Variants in ZNF257 observed in about 807,000 individuals in gnomAD.
The protein encoded by ZNF257 is zinc finger protein 257, also known as bone marrow zinc finger 4.
In ZNF257, 12 loss-of-function variants were observed where a neutral mutation model predicts 11.9. That is an observed-to-expected ratio of 1.01 (90% CI 0.65 to 1.63). The LOEUF is 1.63. Ranked by LOEUF, ZNF257 falls within the 40% of genes most tolerant of loss-of-function variation. The probability of loss-of-function intolerance (pLI) is 0.00; values close to 1 mark genes in which losing one functional copy is unlikely to be tolerated. For missense variants in ZNF257, 580 were observed against 665.5 expected (o/e 0.87, Z 1.41); for synonymous variants, 183 against 222.7 (o/e 0.82, Z 1.59).
At position 22,090,406 on chromosome 19, in the gene ZNF257, G is replaced by T. The variant is rs2022599879; in HGVS notation, c.*964G>T. The T allele has an allele frequency of 2.0e-5, 3 of 152,102 alleles. No individual in the cohort carries two copies. The highest frequency in any genetic ancestry group is 2.0e-4 in the Admixed American group (3 of 15,262). 9.4% of individuals were successfully genotyped at this position (152,102 alleles called of 1,614,324 possible). On this transcript the variant is annotated 3_prime_UTR_variant, in exon 4 of 4. Transcript: ENST00000594947. ...GAAATTTATGTTGGAGAAGAATTCAGCAAGTGTGATTAATTTGGAAAAACA... is the reference window on the plus strand; with the variant it reads ...GAAATTTATGTTGGAGAAGAATTCATCAAGTGTGATTAATTTGGAAAAACA...
chr19:22,085,819 A>T (rs2022464648), intron 3 of ZNF257, among the ~76,000 whole-genome samples: 2 of 152,138 alleles, frequency 1.3e-5, no homozygotes, highest in Non-Finnish European at 2.9e-5. Context: ...ATTTTATATA[A>T]TATGAGTTTT....
At position 22,091,267 on chromosome 19, in the gene ZNF257, T is replaced by A. The variant is rs1417496942; in HGVS notation, c.*1825T>A. ...TGAGGCCAGGAGTTTGAAACCAGCC[T>A]GGCCAACATGGTGAAACCCTGTCTC... On this transcript the variant is annotated 3_prime_UTR_variant, in exon 4 of 4. Coordinates refer to ENST00000594947, the MANE Select transcript of ZNF257 (RefSeq NM_033468.4). 1 of 152,010 alleles carries A rather than the reference T, an allele frequency of 6.6e-6. No individual in the cohort carries two copies. Among genetic ancestry groups the A allele is most frequent in the Non-Finnish European group, 1.5e-5 (1 of 68,018 alleles). 9.4% of individuals were successfully genotyped at this position (152,010 alleles called of 1,614,324 possible). A position where few individuals can be genotyped will look rare whatever the true frequency, so the allele number is the denominator to read the frequency against.
Position 22,069,442 on chromosome 19 carries a change from A to G in ZNF257, c.4-3367A>G, listed in dbSNP as rs376394806. On this transcript the variant is annotated intron_variant, in intron 1 of 3. Transcript: ENST00000594947. ...AGCCTGGCCAACATGGTGAAACCCC[A>G]TCTCTACTAAAAAAAATAAAAAATT... Among the ~76,000 whole-genome samples, 5 of 152,058 alleles carry G rather than the reference A, an allele frequency of 3.3e-5. No individual in the cohort carries two copies. The East Asian group carries it at 7.8e-4, about 24-fold the overall frequency.
At chr19:22,085,621 G>A (rs942492516) in intron 3 of ZNF257, among the ~76,000 whole-genome samples, 4 of 151,308 alleles carry the variant, frequency 2.6e-5, no homozygotes, top group Admixed American at 6.6e-5. Flanking sequence ...TGCTTTCTAT[G>A]TGTTTATTCA....
chr19:22,073,377 A>G, intron 2 of ZNF257, 92 bp from the exon 3 acceptor site: 1 of 1,357,200 alleles, frequency 7.4e-7, no homozygotes, highest in Non-Finnish European at 9.9e-7. Flanking sequence ...ATGTATTAGA[A>G]TATTATATTA....
In ZNF257 at chr19:22,090,239, T is replaced by G. The variant is rs923518789; in HGVS notation, c.*797T>G. On this transcript the variant is annotated 3_prime_UTR_variant, in exon 4 of 4. Coordinates refer to ENST00000594947, the MANE Select transcript of ZNF257 (RefSeq NM_033468.4). Reference sequence around the variant, plus strand: ...CTTTCAGAAATATAAACCTTTAAAGTGAAGAAGAGTTCATTCTAAAGACAA... The same window carrying G: ...CTTTCAGAAATATAAACCTTTAAAGGGAAGAAGAGTTCATTCTAAAGACAA... The G allele has an allele frequency of 3.9e-5, 6 of 152,080 alleles. No homozygotes were observed. The highest frequency in any genetic ancestry group is 7.4e-5 in the Non-Finnish European group (5 of 67,988). The allele number at this position is 152,080 out of a possible 1,614,324, so 9.4% of individuals were successfully genotyped here.
At chr19:22,072,401 G>C (rs901358781) in intron 1 of ZNF257, among the ~76,000 whole-genome samples, 3 of 152,068 alleles carry the variant, frequency 2.0e-5, no homozygotes, top group Middle Eastern at 3.4e-3. Flanking sequence ...AAAAACACAG[G>C]CTCTTTTACT....
In ZNF257 at chr19:22,089,504, A is replaced by G. The variant is rs528607959; in HGVS notation, c.*62A>G. On this transcript the variant is annotated 3_prime_UTR_variant, in exon 4 of 4. Coordinates refer to ENST00000594947, the MANE Select transcript of ZNF257 (RefSeq NM_033468.4). ...AGCTTTTAACTGTTCCTCAATCCTT[A>G]CTAAACATAAGGGAATTCATAATAG... is the stretch of plus-strand genomic sequence containing the variant. 1.4e-5 allele frequency: 21 copies of G among 1,538,746 alleles called. No homozygotes were observed. Among genetic ancestry groups the G allele is most frequent in the South Asian group, 8.7e-5 (7 of 80,812 alleles).
chr19:22,066,790 G>A (rs2021959970), intron 1 of ZNF257, among the ~76,000 whole-genome samples: 2 of 152,120 alleles, frequency 1.3e-5, no homozygotes, highest in Admixed American at 1.3e-4. Flanking sequence ...AATGAATTAT[G>A]TATAGCATGG....
intron 1 of ZNF257, among the ~76,000 whole-genome samples, chr19:22,056,176 G>T (rs1381552783): frequency 2.0e-5 from 3 of 152,134 alleles, no homozygotes; most frequent in Non-Finnish European, 4.4e-5. Flanking sequence ...AGGGACGGGG[G>T]AGCACTGTCT....
chr19:22,065,055 A>G (rs1411908790), intron 1 of ZNF257, among the ~76,000 whole-genome samples: 1 of 89,464 alleles, frequency 1.1e-5, no homozygotes, highest in African/African-American at 8.1e-5. Context: ...CTCCGCCTCA[A>G]AAAAAAAAAA....
intron 1 of ZNF257, among the ~76,000 whole-genome samples, chr19:22,053,840 G>C (rs1427875692): frequency 6.6e-6 from 1 of 151,900 alleles, no homozygotes; most frequent in Non-Finnish European, 1.5e-5. Flanking sequence ...CAGGAGAATC[G>C]CTTGAACCCA....
chr19:22,086,589 A>T (rs1319492633), intron 3 of ZNF257, among the ~76,000 whole-genome samples: 1 of 151,416 alleles, frequency 6.6e-6, no homozygotes, highest in Admixed American at 6.6e-5. Flanking sequence ...AGCATCTTTG[A>T]TCTATATAGG....
intron 3 of ZNF257, among the ~76,000 whole-genome samples, chr19:22,074,876 A>G (rs534115028): frequency 1.3e-5 from 2 of 152,170 alleles, no homozygotes; most frequent in South Asian, 2.1e-4. Context: ...TTCAGTTTCA[A>G]TGGCTTTTTG....
At chr19:22,071,973 A>C (rs1313932584) in intron 1 of ZNF257, among the ~76,000 whole-genome samples, 2 of 151,926 alleles carry the variant, frequency 1.3e-5, no homozygotes, top group Non-Finnish European at 2.9e-5. Context: ...CTAGGGTGCT[A>C]AAGAAAGACT....
Position 22,088,340 on chromosome 19 carries a change from G to C in ZNF257, c.590G>C (p.Arg197Thr). Residue 197 changes from arginine to threonine, a missense_variant, in exon 4 of 4, where the codon AGA becomes ACA. Physicochemically the swap from Arg to Thr is moderately conservative, Grantham distance 71. Transcript: ENST00000594947. Reference sequence around the variant, plus strand: ...ACTCGACATAAGAGAATTCATATTAGAGAGAATTCCCACAAATGTGAAGAA... The same window carrying C: ...ACTCGACATAAGAGAATTCATATTACAGAGAATTCCCACAAATGTGAAGAA... Reference protein sequence around the residue: ...QLTRHKRIHIRENSHKCEECG... With the variant: ...QLTRHKRIHITENSHKCEECG... 1 of 1,611,512 alleles carries C rather than the reference G, an allele frequency of 6.2e-7. No individual in the cohort carries two copies.
At chr19:22,065,403 T>G (rs2021917831) in intron 1 of ZNF257, among the ~76,000 whole-genome samples, 1 of 152,076 alleles carries the variant, frequency 6.6e-6, no homozygotes. Flanking sequence ...TTTCACCATG[T>G]TGGTCAGGCT....
intron 1 of ZNF257, among the ~76,000 whole-genome samples, chr19:22,070,688 A>G (rs947192758): frequency 6.6e-6 from 1 of 152,152 alleles, no homozygotes; most frequent in Non-Finnish European, 1.5e-5. Context: ...TGTTGTGACA[A>G]GAGTGCTGAG....
At chr19:22,085,206 C>T (rs1424065619) in intron 3 of ZNF257, among the ~76,000 whole-genome samples, 1 of 151,726 alleles carries the variant, frequency 6.6e-6, no homozygotes, top group East Asian at 1.9e-4. Flanking sequence ...GCATGCACCA[C>T]CACACCTGGC....
Sources: allele counts gnomAD v4.1 joint callset (sites outside exome capture counted in the v4.1 genomes callset), GRCh38; gene constraint gnomAD v4.1.1; transcripts MANE v1.5; gene names NCBI Gene and HGNC (gene_info 2026-07-23, HGNC 2026-07-21).